Variants in FHIT observed in about 807,000 individuals in gnomAD.
FHIT encodes the protein fragile histidine triad diadenosine triphosphatase.
A neutral mutation model predicts 17.9 loss-of-function variants in FHIT; 19 were observed. That is an observed-to-expected ratio of 1.06 (90% CI 0.74 to 1.56). The LOEUF is 1.56. FHIT is among the 40% of genes most tolerant of loss of function. The pLI is 0.00. For synonymous variants in FHIT, 81 were observed against 69.7 expected, an observed-to-expected ratio of 1.16 and a Z score of -0.81; for missense variants, 248 against 189.2, an observed-to-expected ratio of 1.31 and a Z score of -1.82.
intron 8 of FHIT, among the ~76,000 whole-genome samples, chr3:59,766,806 A>T (rs1238051413): frequency 6.6e-6 from 1 of 152,188 alleles, no homozygotes; most frequent in Admixed American, 6.5e-5. Flanking sequence ...GGAAACACAG[A>T]CAAGACGTTG....
intron 5 of FHIT, among the ~76,000 whole-genome samples, chr3:60,035,700 G>C (rs2106806913): frequency 6.6e-6 from 1 of 152,306 alleles, no homozygotes. Context: ...AGGCTTGCTA[G>C]GATGGGTCCC....
intron 5 of FHIT, among the ~76,000 whole-genome samples, chr3:60,456,551 G>A (rs535448711): frequency 3.9e-5 from 6 of 152,300 alleles, no homozygotes; most frequent in African/African-American, 9.6e-5. Flanking sequence ...ATAGTTTACT[G>A]TATCATAGCA....
rs572342415 is a variant in FHIT, at chr3:60,125,556, C to T, written c.104-111404G>A. Among the ~76,000 whole-genome samples, 344 of 150,126 alleles carry T rather than the reference C, an allele frequency of 2.3e-3. 1 individual carries two copies. Among genetic ancestry groups the T allele is most frequent in the African/African-American group, 6.9e-3 (281 of 40,720 alleles). ...CTGAGGCAGGAGCATCACTTGAACCCGGGAGGCGGAGGTTGCAGTGAGCCA... is the reference window on the plus strand; with the variant it reads ...CTGAGGCAGGAGCATCACTTGAACCTGGGAGGCGGAGGTTGCAGTGAGCCA... On this transcript the variant is annotated intron_variant, in intron 5 of 9. Transcript: ENST00000492590.
intron 7 of FHIT, among the ~76,000 whole-genome samples, chr3:59,963,567 A>C (rs1245836702): frequency 6.6e-6 from 1 of 152,208 alleles, no homozygotes; most frequent in Admixed American, 6.5e-5. Context: ...GAACATTCAC[A>C]GAGCGCCTAA....
intron 2 of FHIT, among the ~76,000 whole-genome samples, chr3:61,112,611 T>C (rs979561433): frequency 1.3e-5 from 2 of 152,188 alleles, no homozygotes; most frequent in Non-Finnish European, 2.9e-5. Flanking sequence ...CAGTTCCTAA[T>C]TGAGTAGGAC....
chr3:60,057,401 C>T (rs1412048964), intron 5 of FHIT, among the ~76,000 whole-genome samples: 1 of 152,108 alleles, frequency 6.6e-6, no homozygotes, highest in African/African-American at 2.4e-5. Context: ...CTTAGAGGCC[C>T]AGTTTAAAAT....
At chr3:61,035,478 C>T (rs1263935399) in intron 3 of FHIT, among the ~76,000 whole-genome samples, 2 of 152,120 alleles carry the variant, frequency 1.3e-5, no homozygotes, top group African/African-American at 4.8e-5. Flanking sequence ...TGCATATATC[C>T]CTCTTGTGCA....
At chr3:61,210,745 T>C (rs1181576863) in intron 1 of FHIT, among the ~76,000 whole-genome samples, 1 of 152,044 alleles carries the variant, frequency 6.6e-6, no homozygotes, top group African/African-American at 2.4e-5. Flanking sequence ...ACTGACCCCT[T>C]GCGCTTCCCG....
intron 7 of FHIT, among the ~76,000 whole-genome samples, chr3:59,957,575 G>T (rs146788961): frequency 2.1e-4 from 32 of 152,328 alleles, no homozygotes; most frequent in Admixed American, 9.1e-4. Flanking sequence ...CACAAAGGTT[G>T]ACTCCTATTC....
chr3:60,865,678 T>C (rs1553753697), intron 3 of FHIT, among the ~76,000 whole-genome samples: 1 of 152,134 alleles, frequency 6.6e-6, no homozygotes, highest in Non-Finnish European at 1.5e-5. Context: ...GCATTTCATA[T>C]CTGTTATGCT....
intron 4 of FHIT, among the ~76,000 whole-genome samples, chr3:60,766,964 T>C (rs956927690): frequency 4.6e-5 from 7 of 152,140 alleles, no homozygotes; most frequent in Admixed American, 3.9e-4. Flanking sequence ...GCATGCTCAA[T>C]CTCCTTTTGG....
At chr3:60,590,209 G>A (rs1559562546) in intron 4 of FHIT, among the ~76,000 whole-genome samples, 1 of 152,020 alleles carries the variant, frequency 6.6e-6, no homozygotes, top group Non-Finnish European at 1.5e-5. Context: ...GGAACTCTGT[G>A]GAACGCTTCA....
chr3:60,665,039 G>T (rs1248711667), intron 4 of FHIT, among the ~76,000 whole-genome samples: 2 of 151,772 alleles, frequency 1.3e-5, no homozygotes, highest in African/African-American at 4.8e-5. Flanking sequence ...AGGAACTTAG[G>T]TTATTGATGT....
At chr3:60,011,993 G>C (rs1230190360) in intron 6 of FHIT, among the ~76,000 whole-genome samples, 1 of 152,102 alleles carries the variant, frequency 6.6e-6, no homozygotes, top group Non-Finnish European at 1.5e-5. Context: ...TAAAGCAAAA[G>C]CAGATACTCA....
intron 3 of FHIT, among the ~76,000 whole-genome samples, chr3:60,871,407 G>C (rs1445343755): frequency 6.6e-6 from 1 of 151,952 alleles, no homozygotes; most frequent in Non-Finnish European, 1.5e-5. Context: ...CTCAGCAAAA[G>C]GAACTCACCA....
At chr3:61,147,646 A>AT (rs1329330295) in intron 2 of FHIT, among the ~76,000 whole-genome samples, 1 of 138,878 alleles carries the variant, frequency 7.2e-6, no homozygotes, top group African/African-American at 2.6e-5. Context: ...TAGAAGACTT[A>AT]TAAATGTATG....
At chr3:60,664,794 T>C (rs557729123) in intron 4 of FHIT, among the ~76,000 whole-genome samples, 32 of 151,814 alleles carry the variant, frequency 2.1e-4, no homozygotes, top group African/African-American at 7.7e-4. Flanking sequence ...ATTTTTATTG[T>C]GTTTTAGTGA....
At chr3:60,994,128 A>T (rs897898144) in intron 3 of FHIT, among the ~76,000 whole-genome samples, 19 of 152,210 alleles carry the variant, frequency 1.2e-4, no homozygotes, top group Non-Finnish European at 2.5e-4. Flanking sequence ...AAAATATACT[A>T]TTTAAATTTA....
intron 5 of FHIT, among the ~76,000 whole-genome samples, chr3:60,448,737 C>A (rs1242419478): frequency 6.6e-6 from 1 of 152,164 alleles, no homozygotes; most frequent in Non-Finnish European, 1.5e-5. Flanking sequence ...CCTTTCCTAG[C>A]TATTCTTAAA....
Sources: allele counts gnomAD v4.1 joint callset (sites outside exome capture counted in the v4.1 genomes callset), GRCh38; gene constraint gnomAD v4.1.1; transcripts MANE v1.5; gene names NCBI Gene and HGNC (gene_info 2026-07-23, HGNC 2026-07-21).